The following OTUD6B variants were observed in gnomAD, a reference collection of about 807,000 sequenced individuals.
OTUD6B encodes the protein deubiquitinase OTUD6B.
In OTUD6B, 41 loss-of-function variants were observed where a neutral mutation model predicts 36.9. The ratio of observed to expected loss-of-function variants is 1.11; its 90% CI spans 0.87 to 1.44. The LOEUF is 1.44. Among genes scored for constraint, OTUD6B ranks in the 40% most tolerant of loss-of-function variants. The pLI, the probability that OTUD6B is intolerant of heterozygous loss-of-function variation, is 0.00. For synonymous variants in OTUD6B, 114 were observed against 114.2 expected (o/e 1.00, Z 0.01); for missense variants, 356 against 344.8 (o/e 1.03, Z -0.26).
chr8:91,085,481 A>G lies in OTUD6B; in HGVS notation c.*613A>G, dbSNP rs1263348743. On this transcript the variant is annotated 3_prime_UTR_variant, in exon 7 of 7. Coordinates refer to ENST00000404789, the MANE Select transcript of OTUD6B (RefSeq NM_016023.5). ...ATTTAGATGGGATTCAGTTGTTTAA[A>G]GAAGTGAGATAAATTCAAAGGTAAA... is the stretch of plus-strand genomic sequence containing the variant. 6.6e-6 allele frequency: 1 copy of G among 152,022 alleles called. No homozygotes were observed. The highest frequency in any genetic ancestry group is 2.4e-5 in the African/African-American group (1 of 41,444). 9.4% of individuals were successfully genotyped at this position (152,022 alleles called of 1,614,324 possible).
chr8:91,071,290 G>C lies in OTUD6B; in HGVS notation c.234+1G>C, dbSNP rs767665903. On this transcript the variant is annotated splice_donor_variant, in intron 2 of 6. Coordinates refer to ENST00000404789, the MANE Select transcript of OTUD6B (RefSeq NM_016023.5). LOFTEE classifies it high-confidence loss of function. Reference sequence around the variant, plus strand: ...GAAGCTGACTACTAAGGAGAATAAGGTATGTGAAATAAATGTTTGTCGTTG... The same window carrying C: ...GAAGCTGACTACTAAGGAGAATAAGCTATGTGAAATAAATGTTTGTCGTTG... 2 of 1,605,080 alleles carry C rather than the reference G, an allele frequency of 1.2e-6. No homozygotes were observed. Among genetic ancestry groups the C allele is most frequent in the Non-Finnish European group, 1.7e-6 (2 of 1,176,836 alleles).
chr8:91,085,745 T>C lies in OTUD6B; in HGVS notation c.*877T>C, dbSNP rs1180928672. ...TTTCCTTGAAGGAACAAGCATTTTGTGGCCTTTACCTTGTGCAATTTTAGG... is the reference window on the plus strand; with the variant it reads ...TTTCCTTGAAGGAACAAGCATTTTGCGGCCTTTACCTTGTGCAATTTTAGG... On this transcript the variant is annotated 3_prime_UTR_variant, in exon 7 of 7. Transcript: ENST00000404789. 1 of 152,096 alleles carries C rather than the reference T, an allele frequency of 6.6e-6. No individual in the cohort carries two copies. 9.4% of individuals were successfully genotyped at this position (152,096 alleles called of 1,614,324 possible). A position where few individuals can be genotyped will look rare whatever the true frequency, so the allele number is the denominator to read the frequency against.
Position 91,086,093 on chromosome 8 carries a change from GTC to G in OTUD6B, c.*1230_*1231del, listed in dbSNP as rs1464534808. 1 of 151,994 alleles carries G rather than the reference GTC, an allele frequency of 6.6e-6. No individual in the cohort carries two copies. Among genetic ancestry groups the G allele is most frequent in the Non-Finnish European group, 1.5e-5 (1 of 67,932 alleles). The allele number at this position is 151,994 out of a possible 1,614,324, so 9.4% of individuals were successfully genotyped here. A position where few individuals can be genotyped will look rare whatever the true frequency, so the allele number is the denominator to read the frequency against. ...TCTTTCTAAGAGGATATATACAAAT[GTC>G]TCTCATAATTTATGTAAGGAAATAT... On this transcript the variant is annotated 3_prime_UTR_variant, in exon 7 of 7. Coordinates refer to ENST00000404789, the MANE Select transcript of OTUD6B (RefSeq NM_016023.5).
chr8:91,086,666 T>C lies in OTUD6B; in HGVS notation c.*1798T>C, dbSNP rs988272271. 2 of 152,094 alleles carry C rather than the reference T, an allele frequency of 1.3e-5. No individual in the cohort carries two copies. Among genetic ancestry groups the C allele is most frequent in the African/African-American group, 2.4e-5 (1 of 41,434 alleles). 9.4% of individuals were successfully genotyped at this position (152,094 alleles called of 1,614,324 possible). On this transcript the variant is annotated 3_prime_UTR_variant, in exon 7 of 7. Coordinates refer to ENST00000404789, the MANE Select transcript of OTUD6B (RefSeq NM_016023.5). ...TTTCCTTACAAGATTTAGAATCTTT[T>C]TGGTTATATGTCTATTTTTCAATTT...
Position 91,086,915 on chromosome 8 carries a change from T to G in OTUD6B, c.*2047T>G, listed in dbSNP as rs1039916155. The G allele has an allele frequency of 1.8e-4, 27 of 152,106 alleles. 1 individual carries two copies. The highest frequency in any genetic ancestry group is 6.6e-5 in the Admixed American group (1 of 15,234). The allele number at this position is 152,106 out of a possible 1,614,324, so 9.4% of individuals were successfully genotyped here. A position where few individuals can be genotyped will look rare whatever the true frequency, so the allele number is the denominator to read the frequency against. ...CATATGCTTTCTTTTGTCCTAACTC[T>G]GAAAAGTATATGTCAGAGTTCTGGA... On this transcript the variant is annotated 3_prime_UTR_variant, in exon 7 of 7. Transcript: ENST00000404789.
At chr8:91,071,048 C>T (rs1250120382) in intron 1 of OTUD6B, 90 bp from the exon 2 acceptor site, 1 of 1,562,658 alleles carries the variant, frequency 6.4e-7, no homozygotes, top group Admixed American at 2.2e-5. Context: ...TTTCTGTACC[C>T]TTCGCCCGTT....
Position 91,078,372 on chromosome 8 carries a change from T to G in OTUD6B, c.332T>G (p.Leu111Trp). ...AQKRREKKAA[L>W]EKEREERIAE... The stretch of plus-strand genomic sequence containing the variant: ...TTTTCTTAGGAAAAGAAAGCTGCAT[T>G]GGAAAAGGAGCGAGAAGAACGGATA... Residue 111 changes from leucine (L) to tryptophan (W), a missense_variant, in exon 4 of 7, where the codon TTG (leucine) becomes TGG (tryptophan). Coordinates refer to ENST00000404789, the MANE Select transcript of OTUD6B (RefSeq NM_016023.5). The G allele has an allele frequency of 1.9e-6, 3 of 1,575,078 alleles. No homozygotes were observed. Among genetic ancestry groups the G allele is most frequent in the South Asian group, 1.2e-5 (1 of 84,818 alleles).
At chr8:91,075,851 G>A (rs1812794778) in intron 3 of OTUD6B, among the ~76,000 whole-genome samples, 1 of 152,092 alleles carries the variant, frequency 6.6e-6, no homozygotes, top group South Asian at 2.1e-4. Context: ...TTATCTTTGG[G>A]AAGGATACAA....
chr8:91,070,374 ACCT>A lies in OTUD6B; in HGVS notation c.-10_-8del. On this transcript the variant is annotated 5_prime_UTR_variant, in exon 1 of 7. Coordinates refer to ENST00000404789, the MANE Select transcript of OTUD6B (RefSeq NM_016023.5). ...TTTCTTCTAGCGCGTGTGCTGGGGT[ACCT>A]GGTCGTCATGGAGGCGGTATTGACC... is the stretch of plus-strand genomic sequence containing the variant. 6.2e-7 allele frequency: 1 copy of A among 1,611,456 alleles called. No individual in the cohort carries two copies. The highest frequency in any genetic ancestry group is 8.5e-7 in the Non-Finnish European group (1 of 1,178,812).
At chr8:91,077,537 ACCTTC>A (rs1812825044) in intron 3 of OTUD6B, among the ~76,000 whole-genome samples, 1 of 151,298 alleles carries the variant, frequency 6.6e-6, no homozygotes, top group South Asian at 2.1e-4. Context: ...TTCTTCCCCA[ACCTTC>A]CCTATACACC....
At chr8:91,071,342 A>C (rs1586201975) in intron 2 of OTUD6B, 53 bp downstream of exon 2, 21 of 1,340,844 alleles carry the variant, frequency 1.6e-5, no homozygotes, top group Middle Eastern at 2.0e-4. Context: ...ACAGCTGTCC[A>C]CTTCTGTTAA....
In OTUD6B at chr8:91,086,866, A is replaced by T. The variant is rs934344572; in HGVS notation, c.*1998A>T. 6.6e-6 allele frequency: 1 copy of T among 152,084 alleles called. No individual in the cohort carries two copies. The highest frequency in any genetic ancestry group is 1.5e-5 in the Non-Finnish European group (1 of 67,936). 9.4% of individuals were successfully genotyped at this position (152,084 alleles called of 1,614,324 possible). A position where few individuals can be genotyped will look rare whatever the true frequency, so the allele number is the denominator to read the frequency against. The stretch of plus-strand genomic sequence containing the variant: ...AGCATATGCTAATTTACTTTTTCAT[A>T]TGATGATGGTCTAATGGAAGTTACA... On this transcript the variant is annotated 3_prime_UTR_variant, in exon 7 of 7. Transcript: ENST00000404789.
At chr8:91,083,149 G>T (rs1216720873) in intron 5 of OTUD6B, among the ~76,000 whole-genome samples, 1 of 152,046 alleles carries the variant, frequency 6.6e-6, no homozygotes, top group Non-Finnish European at 1.5e-5. Flanking sequence ...GAAATTCATT[G>T]ATAGGGCAGT....
intron 4 of OTUD6B, among the ~76,000 whole-genome samples, chr8:91,079,554 T>C (rs1812861327): frequency 6.6e-6 from 1 of 152,156 alleles, no homozygotes; most frequent in South Asian, 2.1e-4. Flanking sequence ...TGAATTAATT[T>C]CCCATAGATG....
In OTUD6B at chr8:91,078,389, G is replaced by A. The variant is rs757511184; in HGVS notation, c.349G>A (p.Glu117Lys). Residue 117 changes from glutamate (E) to lysine (K), a missense_variant, in exon 4 of 7, where the codon GAA (glutamate) becomes AAA (lysine). Glu to Lys is a moderately conservative substitution (Grantham distance 56, BLOSUM62 1). Transcript: ENST00000404789. The stretch of plus-strand genomic sequence containing the variant: ...AGCTGCATTGGAAAAGGAGCGAGAA[G>A]AACGGATAGCTGAAGCTGAAATTGA... Reference protein sequence around the residue: ...KKAALEKEREERIAEAEIENL... With the variant: ...KKAALEKEREKRIAEAEIENL... The A allele has an allele frequency of 6.3e-7, 1 of 1,589,904 alleles. No homozygotes were observed. The highest frequency in any genetic ancestry group is 1.1e-5 in the South Asian group (1 of 87,330).
At chr8:91,079,879 ACTACTCTAGG>A (rs1014118850) in intron 4 of OTUD6B, among the ~76,000 whole-genome samples, 3 of 152,148 alleles carry the variant, frequency 2.0e-5, no homozygotes, top group African/African-American at 7.2e-5. Context: ...TGTGCCAAGC[ACTACTCTAGG>A]CACTGTTCTG....
chr8:91,085,060 T>A lies in OTUD6B; in HGVS notation c.*192T>A, dbSNP rs928201941. The A allele has an allele frequency of 1.2e-5, 4 of 334,444 alleles. No homozygotes were observed. The highest frequency in any genetic ancestry group is 9.7e-5 in the Admixed American group (2 of 20,588). 20.7% of individuals were successfully genotyped at this position (334,444 alleles called of 1,614,324 possible). On this transcript the variant is annotated 3_prime_UTR_variant, in exon 7 of 7. Coordinates refer to ENST00000404789, the MANE Select transcript of OTUD6B (RefSeq NM_016023.5). ...AACCAGTGTCTTCTTAGTGGAATTT[T>A]AAAAATTTGTTAAGTTCATTGTAGA... is the stretch of plus-strand genomic sequence containing the variant.
In OTUD6B at chr8:91,071,292, A is replaced by G; in HGVS notation, c.234+3A>G. ...AGCTGACTACTAAGGAGAATAAGGT[A>G]TGTGAAATAAATGTTTGTCGTTGCC... On this transcript the variant is annotated splice_donor_region_variant and intron_variant, in intron 2 of 6. Coordinates refer to ENST00000404789, the MANE Select transcript of OTUD6B (RefSeq NM_016023.5). The G allele has an allele frequency of 6.2e-7, 1 of 1,603,944 alleles. No individual in the cohort carries two copies. Among genetic ancestry groups the G allele is most frequent in the East Asian group, 2.2e-5 (1 of 44,540 alleles).
At chr8:91,072,264 G>A (rs1812715563) in intron 2 of OTUD6B, among the ~76,000 whole-genome samples, 1 of 152,194 alleles carries the variant, frequency 6.6e-6, no homozygotes, top group Non-Finnish European at 1.5e-5. Context: ...GTGGGAAACA[G>A]GGTTAGAGAG....
Sources: allele counts gnomAD v4.1 joint callset (sites outside exome capture counted in the v4.1 genomes callset), GRCh38; gene constraint gnomAD v4.1.1; transcripts MANE v1.5; gene names NCBI Gene and HGNC (gene_info 2026-07-23, HGNC 2026-07-21).